Variants in SFSWAP observed in about 807,000 individuals in gnomAD.
SFSWAP encodes the protein splicing factor SWAP.
A neutral mutation model predicts 100.7 loss-of-function variants in SFSWAP; 17 were observed. That is an observed-to-expected ratio of 0.17 (90% CI 0.12 to 0.25). The LOEUF is 0.25. SFSWAP is among the 10% of genes least tolerant of loss of function. The probability of loss-of-function intolerance (pLI) is 1.00; values close to 1 mark genes in which losing one functional copy is unlikely to be tolerated. For synonymous variants in SFSWAP, 504 were observed against 510.1 expected (o/e 0.99, Z 0.16); for missense variants, 1,005 against 1,262.6 (o/e 0.80, Z 3.09).
intron 13 of SFSWAP, among the ~76,000 whole-genome samples, chr12:131,772,655 C>G (rs1177297373): frequency 6.6e-6 from 1 of 152,186 alleles, no homozygotes; most frequent in Non-Finnish European, 1.5e-5. Flanking sequence ...TATTACAATG[C>G]TCTTTTAGCT....
chr12:131,743,671 G>A (rs1180005565), intron 7 of SFSWAP, among the ~76,000 whole-genome samples: 1 of 152,212 alleles, frequency 6.6e-6, no homozygotes, highest in African/African-American at 2.4e-5. Flanking sequence ...ACCATTCTGG[G>A]GTCTGGAGGA....
chr12:131,738,139 A>G (rs1880216991), intron 7 of SFSWAP, among the ~76,000 whole-genome samples: 2 of 152,144 alleles, frequency 1.3e-5, no homozygotes, highest in African/African-American at 2.4e-5. Flanking sequence ...CATGGCTACT[A>G]TAGATATTTT....
chr12:131,713,336 A>G (rs993519588), intron 1 of SFSWAP: 4 of 152,254 alleles, frequency 2.6e-5, no homozygotes, highest in African/African-American at 9.6e-5. Flanking sequence ...CAAGAGAAAC[A>G]TGGAAGTGTC....
intron 6 of SFSWAP, among the ~76,000 whole-genome samples, chr12:131,727,262 G>A (rs1452749379): frequency 6.6e-6 from 1 of 152,230 alleles, no homozygotes; most frequent in African/African-American, 2.4e-5. Context: ...AAATTCGTGA[G>A]CATTTGCTCA....
At chr12:131,736,576 G>A (rs777059004) in intron 7 of SFSWAP, among the ~76,000 whole-genome samples, 5 of 152,002 alleles carry the variant, frequency 3.3e-5, no homozygotes, top group Non-Finnish European at 5.9e-5. Context: ...CATCGTGTCC[G>A]CCGACCGTAG....
At chr12:131,764,736 T>A in intron 12 of SFSWAP, 50 bp downstream of exon 12, 3 of 1,370,548 alleles carry the variant, frequency 2.2e-6, no homozygotes, top group Non-Finnish European at 3.0e-6. Flanking sequence ...TACACAAATA[T>A]AAGATTTATC....
intron 12 of SFSWAP, among the ~76,000 whole-genome samples, chr12:131,765,439 A>G (rs945671146): frequency 1.3e-5 from 2 of 152,158 alleles, no homozygotes; most frequent in Admixed American, 6.5e-5. Flanking sequence ...ACCTGAGGTC[A>G]GAAGTTAGAA....
At chr12:131,771,578 G>A (rs571957332) in intron 13 of SFSWAP, among the ~76,000 whole-genome samples, 2 of 151,822 alleles carry the variant, frequency 1.3e-5, no homozygotes, top group Non-Finnish European at 2.9e-5. Context: ...TCAGCCTTTC[G>A]GTGGGAAAGC....
intron 11 of SFSWAP, among the ~76,000 whole-genome samples, chr12:131,762,281 C>T (rs1024638526): frequency 3.3e-5 from 5 of 151,880 alleles, no homozygotes; most frequent in Non-Finnish European, 4.4e-5. Context: ...CACGGTGGCT[C>T]ATGCTTGTCA....
intron 7 of SFSWAP, 115 bp downstream of exon 7, chr12:131,728,543 G>C: frequency 8.5e-7 from 1 of 1,172,230 alleles, no homozygotes. Context: ...ATGGAAGCAG[G>C]CGGCCCAGAG....
At chr12:131,750,553 G>C (rs73479663) in intron 7 of SFSWAP, among the ~76,000 whole-genome samples, 1 of 152,230 alleles carries the variant, frequency 6.6e-6, no homozygotes, top group African/African-American at 2.4e-5. Flanking sequence ...TGGGTCAAGG[G>C]TGTGCCCAGA....
Position 131,753,149 on chromosome 12 carries a change from T to C in SFSWAP, c.1108T>C (p.Tyr370His), listed in dbSNP as rs1444683235. ...GACCGTGGCAGCCATGTATTACAGCTACTACATGCTACCGGACGGCACTTA... is the reference window on the plus strand; with the variant it reads ...GACCGTGGCAGCCATGTATTACAGCCACTACATGCTACCGGACGGCACTTA... ...DSTVAAMYYS[Y>H]YMLPDGTYCL... Residue 370 changes from tyrosine (Y) to histidine (H), a missense_variant, in exon 8 of 18, where the codon TAC (tyrosine) becomes CAC (histidine). Tyr to His is a moderately conservative substitution (Grantham distance 83, BLOSUM62 2). Around this residue, in one of 7 missense-constraint regions of SFSWAP, gnomAD observed 311 missense variants for 317.8 expected, o/e 0.98. Transcript: ENST00000261674. 2 of 1,614,092 alleles carry C rather than the reference T, an allele frequency of 1.2e-6. No homozygotes were observed. Among genetic ancestry groups the C allele is most frequent in the African/African-American group, 2.7e-5 (2 of 75,008 alleles).
intron 13 of SFSWAP, among the ~76,000 whole-genome samples, chr12:131,769,495 T>G (rs2136243278): frequency 6.6e-6 from 1 of 152,326 alleles, no homozygotes; most frequent in Non-Finnish European, 1.5e-5. Context: ...CAAGTATAAT[T>G]TATCACTAGC....
At chr12:131,776,536 C>T (rs1240173877) in intron 13 of SFSWAP, among the ~76,000 whole-genome samples, 1 of 152,222 alleles carries the variant, frequency 6.6e-6, no homozygotes, top group Non-Finnish European at 1.5e-5. Flanking sequence ...GTAGAAGAAT[C>T]GTTTCTACAG....
chr12:131,737,387 C>G (rs983645666), intron 7 of SFSWAP, among the ~76,000 whole-genome samples: 1 of 152,204 alleles, frequency 6.6e-6, no homozygotes, highest in African/African-American at 2.4e-5. Context: ...CTCACCTGCC[C>G]GTTTGCGCTG....
chr12:131,772,629 C>A (rs1215162424), intron 13 of SFSWAP, among the ~76,000 whole-genome samples: 1 of 152,138 alleles, frequency 6.6e-6, no homozygotes, highest in Non-Finnish European at 1.5e-5. Context: ...GCTGGCCTCA[C>A]GGCAGCCTCC....
chr12:131,717,056 G>T (rs1439499779), intron 3 of SFSWAP, among the ~76,000 whole-genome samples: 2 of 152,078 alleles, frequency 1.3e-5, no homozygotes, highest in African/African-American at 4.8e-5. Context: ...AAAACTTAGA[G>T]CTTGACATTT....
intron 14 of SFSWAP, among the ~76,000 whole-genome samples, chr12:131,779,224 G>A (rs1271973593): frequency 3.3e-5 from 5 of 149,664 alleles, no homozygotes; most frequent in African/African-American, 1.2e-4. Flanking sequence ...TGAAGAGGGC[G>A]GCGCGGGTGA....
rs1040965984 is a variant in SFSWAP, at chr12:131,785,060, C to T, written c.2409-1403C>T. On this transcript the variant is annotated intron_variant, in intron 14 of 17. Transcript: ENST00000261674. ...TTTATTCTGAATGTGAAGTGTGTGCCTCCGTGTCACAGAGTCACAGCCTCC... is the reference window on the plus strand; with the variant it reads ...TTTATTCTGAATGTGAAGTGTGTGCTTCCGTGTCACAGAGTCACAGCCTCC... 13 of 1,531,216 alleles carry T rather than the reference C, an allele frequency of 8.5e-6. No individual in the cohort carries two copies. In the East Asian group the frequency reaches 1.5e-4, roughly 17 times the overall value. 94.9% of individuals were successfully genotyped at this position (1,531,216 alleles called of 1,614,324 possible).
Sources: allele counts gnomAD v4.1 joint callset (sites outside exome capture counted in the v4.1 genomes callset), GRCh38; gene constraint gnomAD v4.1.1; regional missense constraint gnomAD v4.1.1; transcripts MANE v1.5; gene names NCBI Gene and HGNC (gene_info 2026-07-23, HGNC 2026-07-21).